OSBPL5: variants seen among roughly 807,000 people sequenced by gnomAD.
The protein encoded by OSBPL5 is oxysterol-binding protein-related protein 5.
A neutral mutation model predicts 111.2 loss-of-function variants in OSBPL5; 71 were observed. That is an observed-to-expected ratio of 0.64 (90% confidence interval 0.53 to 0.78). The LOEUF is 0.78. OSBPL5 is among the 30% of genes least tolerant of loss of function. OSBPL5 has a pLI of 0.00. For synonymous variants in OSBPL5, 549 were observed against 513.9 expected (o/e 1.07, Z -0.93); for missense variants, 1,210 against 1,189.3 (o/e 1.02, Z -0.26).
intron 12 of OSBPL5, 40 bp from the exon 13 acceptor site, chr11:3,101,739 C>A: frequency 6.6e-7 from 1 of 1,525,954 alleles, no homozygotes. Context: ...GCCCCGGAAA[C>A]AGGTAATCCC....
chr11:3,148,509 G>A (rs1044397622), intron 1 of OSBPL5, among the ~76,000 whole-genome samples: 1 of 152,258 alleles, frequency 6.6e-6, no homozygotes, highest in Non-Finnish European at 1.5e-5. Flanking sequence ...GGTGAGTGCG[G>A]AGTCTCTTTC....
rs776755070 is a variant in OSBPL5, at chr11:3,122,024, G to A, written c.375C>T (p.Ser125=). The part of the protein sequence containing the change: ...RQLLSALTDP[S]VVIMADSLKI... ...TCAGGCTGTCAGCCATGATGACCAC[G>A]CTGGGGTCTGTCAGAGCGCTGAGCA... is the stretch of plus-strand genomic sequence containing the variant. The change falls in exon 5 of 22, where the codon AGC becomes AGT. Residue 125 remains serine, a synonymous_variant. Coordinates refer to ENST00000263650, the MANE Select transcript of OSBPL5 (RefSeq NM_020896.4). 2.3e-5 allele frequency: 37 copies of A among 1,578,274 alleles called. No individual in the cohort carries two copies. The highest frequency in any genetic ancestry group is 4.0e-5 in the African/African-American group (3 of 74,524).
At chr11:3,088,615 T>C (rs1331704355) in intron 21 of OSBPL5, among the ~76,000 whole-genome samples, 4 of 152,212 alleles carry the variant, frequency 2.6e-5, no homozygotes, top group Non-Finnish European at 4.4e-5. Context: ...ACATCCTCCC[T>C]CCCACCCCTG....
intron 1 of OSBPL5, among the ~76,000 whole-genome samples, chr11:3,163,012 G>C (rs1335682815): frequency 2.6e-5 from 4 of 151,768 alleles, no homozygotes; most frequent in Admixed American, 1.3e-4. Context: ...GCACCTAACG[G>C]CTCCCTCCCC....
intron 1 of OSBPL5, among the ~76,000 whole-genome samples, chr11:3,135,934 T>C (rs973809073): frequency 6.6e-6 from 1 of 152,136 alleles, no homozygotes; most frequent in Non-Finnish European, 1.5e-5. Flanking sequence ...TGACCACCCC[T>C]CCCCAACCCC....
chr11:3,139,675 TCA>T lies in OSBPL5; in HGVS notation c.-21-10508_-21-10507del, dbSNP rs556929796. 1.9e-4 allele frequency among the ~76,000 whole-genome samples: 28 copies of T among 144,070 alleles called. No individual in the cohort carries two copies. The East Asian group carries it at 5.0e-3, about 26-fold the overall frequency. The allele number at this position is 144,070 out of a possible 152,430, so 94.5% of individuals were successfully genotyped here. ...TGCTGCCTTGCTCTATGGGGAGGAG[TCA>T]CTTCCAGAGGGCACATCCAGCCTCC... On this transcript the variant is annotated intron_variant, in intron 1 of 21. Coordinates refer to ENST00000263650, the MANE Select transcript of OSBPL5 (RefSeq NM_020896.4).
chr11:3,098,354 T>TA (rs147972741), intron 14 of OSBPL5, among the ~76,000 whole-genome samples: 1,684 of 151,152 alleles, frequency 0.011, 32 homozygotes, highest in African/African-American at 0.039. Context: ...GTGAGGCACT[T>TA]AAAAAAAATG....
intron 1 of OSBPL5, chr11:3,164,288 G>A (rs1365802534): frequency 6.6e-6 from 1 of 152,366 alleles, no homozygotes; most frequent in Non-Finnish European, 1.5e-5. Flanking sequence ...TCAGCCCAAG[G>A]ATGAGGGAGG....
chr11:3,088,111 G>T lies in OSBPL5; in HGVS notation c.*94C>A. 8.1e-7 allele frequency: 1 copy of T among 1,231,132 alleles called. No individual in the cohort carries two copies. Among genetic ancestry groups the T allele is most frequent in the Non-Finnish European group, 1.1e-6 (1 of 922,490 alleles). The allele number at this position is 1,231,132 out of a possible 1,614,324, so 76.3% of individuals were successfully genotyped here. ...ACTCCCCGTCACAGTGGCTGTGCTT[G>T]CCGGGCCTCTCTGCCTCCATGGAGC... On this transcript the variant is annotated 3_prime_UTR_variant, in exon 22 of 22. Coordinates refer to ENST00000263650, the MANE Select transcript of OSBPL5 (RefSeq NM_020896.4).
At chr11:3,094,171 G>T in intron 15 of OSBPL5, 66 bp downstream of exon 15, 4 of 1,475,260 alleles carry the variant, frequency 2.7e-6, no homozygotes, top group Non-Finnish European at 2.8e-6. Context: ...GGGAGAGTGT[G>T]AGGGGGATCC....
At chr11:3,108,149 C>T (rs996419909) in intron 7 of OSBPL5, among the ~76,000 whole-genome samples, 17 of 152,144 alleles carry the variant, frequency 1.1e-4, no homozygotes, top group Non-Finnish European at 1.9e-4. Context: ...TGGGGGCAGA[C>T]ATCGGGAACC....
chr11:3,136,823 G>C (rs1845960996), intron 1 of OSBPL5, among the ~76,000 whole-genome samples: 2 of 152,230 alleles, frequency 1.3e-5, no homozygotes, highest in Admixed American at 1.3e-4. Flanking sequence ...CCACTGGGGT[G>C]CTCCATCAAT....
At position 3,122,422 on chromosome 11, in the gene OSBPL5, A is replaced by T; in HGVS notation, c.226T>A (p.Tyr76Asn). ...TTGTCTGACCCGTTGCACAGCCTGT[A>T]CTCTGCCTGAAAGAGAGAGGTGGGT... ...SSATKVPPAE[Y>N]RLCNGSDKEC... The change falls in exon 4 of 22, where the codon TAC becomes AAC. Residue 76 changes from tyrosine (Y) to asparagine (N), a missense_variant. Tyr to Asn is a moderately radical substitution (Grantham distance 143). Coordinates refer to ENST00000263650, the MANE Select transcript of OSBPL5 (RefSeq NM_020896.4). 1 of 1,613,456 alleles carries T rather than the reference A, an allele frequency of 6.2e-7. No individual in the cohort carries two copies. Among genetic ancestry groups the T allele is most frequent in the Non-Finnish European group, 8.5e-7 (1 of 1,179,844 alleles).
intron 1 of OSBPL5, among the ~76,000 whole-genome samples, chr11:3,159,416 C>A (rs917043944): frequency 1.3e-5 from 2 of 152,224 alleles, no homozygotes; most frequent in African/African-American, 4.8e-5. Context: ...GACACTAAGG[C>A]ATTCCAGTTC....
In OSBPL5 at chr11:3,089,966, G is replaced by C. The variant is rs760533305; in HGVS notation, c.2399-18C>G. 16 of 1,507,000 alleles carry C rather than the reference G, an allele frequency of 1.1e-5. No individual in the cohort carries two copies. In the South Asian group the frequency reaches 1.9e-4, roughly 18 times the overall value. The allele number at this position is 1,507,000 out of a possible 1,614,324, so 93.4% of individuals were successfully genotyped here. A position where few individuals can be genotyped will look rare whatever the true frequency, so the allele number is the denominator to read the frequency against. The stretch of plus-strand genomic sequence containing the variant: ...CTCACCGCCTGGGACGGCCCCGAGT[G>C]AGACAAAGGAGGGGAGGGGAGGAGT... On this transcript the variant is annotated intron_variant, in intron 20 of 21. Transcript: ENST00000263650.
intron 1 of OSBPL5, among the ~76,000 whole-genome samples, chr11:3,139,917 C>T: frequency 6.6e-6 from 1 of 152,218 alleles, no homozygotes; most frequent in Non-Finnish European, 1.5e-5. Flanking sequence ...ACAGCCTGGC[C>T]TGTGGTTGGC....
At position 3,103,346 on chromosome 11, in the gene OSBPL5, C is replaced by T. The variant is rs372631156; in HGVS notation, c.1245-26G>A. The T allele has an allele frequency of 1.4e-5, 22 of 1,582,890 alleles. No homozygotes were observed. In the African/African-American group the frequency reaches 1.6e-4, roughly 12 times the overall value. ...CTGCCATGGGGCAGGAGAACGCTGACCCCAGCTCCGGGGGCCGTGGGCCAC... is the reference window on the plus strand; with the variant it reads ...CTGCCATGGGGCAGGAGAACGCTGATCCCAGCTCCGGGGGCCGTGGGCCAC... On this transcript the variant is annotated intron_variant, in intron 10 of 21. Coordinates refer to ENST00000263650, the MANE Select transcript of OSBPL5 (RefSeq NM_020896.4).
chr11:3,089,425 G>A (rs151292757), intron 21 of OSBPL5, among the ~76,000 whole-genome samples: 9 of 152,250 alleles, frequency 5.9e-5, no homozygotes, highest in African/African-American at 1.2e-4. Context: ...GCCAGCTCTC[G>A]GCCACTCCCA....
intron 1 of OSBPL5, among the ~76,000 whole-genome samples, chr11:3,155,228 G>C (rs1846717070): frequency 6.6e-6 from 1 of 152,162 alleles, no homozygotes; most frequent in Admixed American, 6.5e-5. Flanking sequence ...GGCCTTCCTA[G>C]GACAGTTGGG....
Sources: gnomAD v4.1 joint callset for allele counts (sites outside exome capture counted in the v4.1 genomes callset) on GRCh38, gnomAD v4.1.1 for gene constraint, MANE v1.5 for transcripts, NCBI Gene and HGNC (gene_info 2026-07-23, HGNC 2026-07-21) for gene names.